The following GRM7 variants were observed in gnomAD, a reference collection of about 807,000 sequenced individuals.
GRM7 encodes glutamate metabotropic receptor 7.
GRM7 carries 35 observed loss-of-function variants against 84.5 expected under a neutral mutation model. The observed-to-expected ratio is 0.41, with a 90% CI of 0.32 to 0.55. GRM7 has a LOEUF of 0.55. GRM7 is among the 20% of genes least tolerant of loss of function. GRM7 has a pLI of 0.19. For synonymous variants in GRM7, 487 were observed against 455.1 expected (o/e 1.07, Z -0.89); for missense variants, 1,003 against 1,194.6 (o/e 0.84, Z 2.36).
intron 1 of GRM7, among the ~76,000 whole-genome samples, chr3:7,144,330 C>T (rs186912085): frequency 2.6e-5 from 4 of 152,098 alleles, no homozygotes; most frequent in Admixed American, 6.6e-5. Context: ...TTGTACAGTC[C>T]GGTTCAGAGT....
At chr3:7,316,279 G>A (rs1388014883) in intron 4 of GRM7, among the ~76,000 whole-genome samples, 3 of 152,136 alleles carry the variant, frequency 2.0e-5, no homozygotes, top group Non-Finnish European at 4.4e-5. Flanking sequence ...AGTAAAGTAA[G>A]AGACCATTGT....
At chr3:6,878,622 C>T (rs1201113094) in intron 1 of GRM7, among the ~76,000 whole-genome samples, 1 of 152,124 alleles carries the variant, frequency 6.6e-6, no homozygotes, top group Non-Finnish European at 1.5e-5. Context: ...TGGACCAATA[C>T]ATCACGCACT....
At chr3:7,059,209 C>A (rs1697340113) in intron 1 of GRM7, among the ~76,000 whole-genome samples, 1 of 151,556 alleles carries the variant, frequency 6.6e-6, no homozygotes, top group African/African-American at 2.4e-5. Context: ...AGTGTTTCAT[C>A]AATATATTTT....
At chr3:7,339,745 G>T (rs767365921) in intron 4 of GRM7, among the ~76,000 whole-genome samples, 1 of 152,026 alleles carries the variant, frequency 6.6e-6, no homozygotes, top group Non-Finnish European at 1.5e-5. Context: ...GAAGTGCTTT[G>T]CTGAATGCTC....
intron 1 of GRM7, among the ~76,000 whole-genome samples, chr3:6,922,694 T>C (rs551012041): frequency 6.6e-6 from 1 of 152,328 alleles, no homozygotes; most frequent in South Asian, 2.1e-4. Flanking sequence ...CTAGAAAATG[T>C]AGTATAAATC....
intron 3 of GRM7, among the ~76,000 whole-genome samples, chr3:7,303,019 A>G (rs12490940): frequency 6.8e-6 from 1 of 148,010 alleles, no homozygotes; most frequent in Non-Finnish European, 1.5e-5. Context: ...CAGCTCACTG[A>G]AAGCTCCACC....
chr3:7,274,028 T>C (rs1019090819), intron 2 of GRM7, among the ~76,000 whole-genome samples: 1 of 151,978 alleles, frequency 6.6e-6, no homozygotes, highest in Non-Finnish European at 1.5e-5. Flanking sequence ...GATTATATTA[T>C]TTTTGCCTTT....
At chr3:7,727,269 T>C (rs1029806522) in intron 9 of GRM7, among the ~76,000 whole-genome samples, 13 of 152,216 alleles carry the variant, frequency 8.5e-5, no homozygotes, top group Non-Finnish European at 1.5e-4. Flanking sequence ...GCAAATTATA[T>C]TGTACATCAT....
intron 1 of GRM7, among the ~76,000 whole-genome samples, chr3:6,897,135 T>C (rs1044650786): frequency 2.0e-5 from 3 of 152,204 alleles, no homozygotes; most frequent in Non-Finnish European, 4.4e-5. Flanking sequence ...TCATTGTTCT[T>C]TTGAATTCCA....
chr3:7,562,629 C>T (rs1694078998), intron 7 of GRM7, among the ~76,000 whole-genome samples: 1 of 152,024 alleles, frequency 6.6e-6, no homozygotes, highest in African/African-American at 2.4e-5. Context: ...AGTTAAGCAA[C>T]ATCACTGTTT....
At chr3:7,194,157 C>G (rs1481756957) in intron 2 of GRM7, among the ~76,000 whole-genome samples, 2 of 152,042 alleles carry the variant, frequency 1.3e-5, no homozygotes, top group Admixed American at 6.6e-5. Flanking sequence ...ATCACCTTTC[C>G]TCCTCCAGTT....
chr3:6,878,732 C>A (rs455860), intron 1 of GRM7, among the ~76,000 whole-genome samples: 47,636 of 151,894 alleles, frequency 0.31, 7,919 homozygotes, highest in South Asian at 0.46. Context: ...AGGTGTAAGG[C>A]TCTAGAAACT....
intron 1 of GRM7, among the ~76,000 whole-genome samples, chr3:7,068,909 A>T (rs1400586364): frequency 6.6e-6 from 1 of 151,946 alleles, no homozygotes; most frequent in Non-Finnish European, 1.5e-5. Flanking sequence ...AATTAAAGAC[A>T]GTTTTTATGT....
chr3:7,135,008 G>A (rs1434295153), intron 1 of GRM7, among the ~76,000 whole-genome samples: 1 of 152,288 alleles, frequency 6.6e-6, no homozygotes, highest in African/African-American at 2.4e-5. Context: ...AAGGTGTTTG[G>A]TGTTATGTAA....
intron 2 of GRM7, among the ~76,000 whole-genome samples, chr3:7,201,190 C>T (rs1018760854): frequency 6.6e-6 from 1 of 151,838 alleles, no homozygotes; most frequent in Non-Finnish European, 1.5e-5. Flanking sequence ...AGGATGGTCT[C>T]GATCTTCTGA....
At chr3:7,510,051 A>G (rs1000570831) in intron 7 of GRM7, among the ~76,000 whole-genome samples, 2 of 152,200 alleles carry the variant, frequency 1.3e-5, no homozygotes, top group Non-Finnish European at 2.9e-5. Flanking sequence ...TCATGTGTAC[A>G]TCACTGGTTT....
chr3:7,099,289 C>T (rs1397025856), intron 1 of GRM7, among the ~76,000 whole-genome samples: 1 of 144,914 alleles, frequency 6.9e-6, no homozygotes, highest in African/African-American at 2.6e-5. Context: ...ATGTATTATA[C>T]ATGTATATAT....
At chr3:7,128,122 T>C (rs1036983396) in intron 1 of GRM7, among the ~76,000 whole-genome samples, 5 of 151,560 alleles carry the variant, frequency 3.3e-5, no homozygotes, top group Non-Finnish European at 5.9e-5. Flanking sequence ...ATAATATTTA[T>C]GTGGGTCCCT....
intron 1 of GRM7, among the ~76,000 whole-genome samples, chr3:6,916,904 G>A (rs1012062889): frequency 6.6e-6 from 1 of 152,062 alleles, no homozygotes; most frequent in East Asian, 1.9e-4. Flanking sequence ...GCTGGGTGGG[G>A]GCAGAAAATG....
Sources: gnomAD v4.1 joint callset for allele counts (sites outside exome capture counted in the v4.1 genomes callset) on GRCh38, gnomAD v4.1.1 for gene constraint, MANE v1.5 for transcripts, NCBI Gene and HGNC (gene_info 2026-07-23, HGNC 2026-07-21) for gene names.